Variants in CCDC25 observed in about 807,000 individuals in gnomAD.
CCDC25 encodes coiled-coil domain containing 25, also known as coiled-coil domain-containing protein 25.
A neutral mutation model predicts 35.3 loss-of-function variants in CCDC25; 16 were observed. That is an observed-to-expected ratio of 0.45 (90% confidence interval 0.31 to 0.69). The LOEUF is 0.69. Among genes scored for constraint, CCDC25 ranks in the 30% least tolerant of loss-of-function variants. CCDC25 has a pLI of 0.06. For missense variants in CCDC25, 179 were observed against 250.7 expected (o/e 0.71, Z 1.93); for synonymous variants, 79 against 80.3 (o/e 0.98, Z 0.09).
At chr8:27,764,512 C>G in intron 2 of CCDC25, 1 of 362,060 alleles carries the variant, frequency 2.8e-6, no homozygotes, top group African/African-American at 2.2e-5. Flanking sequence ...CTCCTGGGCT[C>G]AAGTGATCCT....
intron 3 of CCDC25, among the ~76,000 whole-genome samples, chr8:27,762,172 G>A (rs113054575): frequency 2.0e-5 from 3 of 152,116 alleles, no homozygotes; most frequent in African/African-American, 2.4e-5. Flanking sequence ...TTACTATGGC[G>A]TGGAGACAAA....
At chr8:27,740,935 G>C (rs1347746612) in intron 7 of CCDC25, among the ~76,000 whole-genome samples, 1 of 152,124 alleles carries the variant, frequency 6.6e-6, no homozygotes, top group Non-Finnish European at 1.5e-5. Context: ...GAGCTGTCAG[G>C]GCACCCTTCA....
intron 1 of CCDC25, chr8:27,772,025 T>TAAA: frequency 6.4e-6 from 1 of 156,446 alleles, no homozygotes; most frequent in South Asian, 1.8e-4. Context: ...GTCTTTTTAT[T>TAAA]GTTTTCTGTT....
In CCDC25 at chr8:27,772,589, C is replaced by T. The variant is rs1804670603; in HGVS notation, c.-49G>A. On this transcript the variant is annotated 5_prime_UTR_variant, in exon 1 of 9. Coordinates refer to ENST00000356537, the MANE Select transcript of CCDC25 (RefSeq NM_018246.3). ...TCCACCGCGGAGCAGCAGCGCTCAA[C>T]TCACGAAGCTCAGGATACCAGACTC... 1 of 1,536,740 alleles carries T rather than the reference C, an allele frequency of 6.5e-7. No homozygotes were observed. The highest frequency in any genetic ancestry group is 8.8e-7 in the Non-Finnish European group (1 of 1,136,526).
chr8:27,763,623 T>TG (rs1459301262), intron 2 of CCDC25, among the ~76,000 whole-genome samples: 1 of 151,874 alleles, frequency 6.6e-6, no homozygotes. Context: ...GAGGCTGAGG[T>TG]GGGAGAATTG....
intron 3 of CCDC25, among the ~76,000 whole-genome samples, chr8:27,761,210 C>A: frequency 6.6e-6 from 1 of 152,156 alleles, no homozygotes; most frequent in East Asian, 1.9e-4. Context: ...AGTGAAGGGT[C>A]TGTGTCCACA....
chr8:27,748,702 G>T, intron 5 of CCDC25, 104 bp from the exon 6 acceptor site: 1 of 797,978 alleles, frequency 1.3e-6, no homozygotes, highest in Non-Finnish European at 2.1e-6. Context: ...AAACGGCTTA[G>T]AACGAACAGG....
intron 3 of CCDC25, among the ~76,000 whole-genome samples, chr8:27,761,737 T>G (rs1011233404): frequency 1.3e-5 from 2 of 152,142 alleles, no homozygotes; most frequent in African/African-American, 4.8e-5. Context: ...CATGTATTCA[T>G]AAAAGGCCCC....
intron 7 of CCDC25, among the ~76,000 whole-genome samples, chr8:27,741,652 T>A (rs887939610): frequency 6.6e-6 from 1 of 152,152 alleles, no homozygotes; most frequent in Non-Finnish European, 1.5e-5. Flanking sequence ...CACTCCAACA[T>A]GGGCGACAGA....
chr8:27,759,015 T>A (rs1585366223), intron 3 of CCDC25, among the ~76,000 whole-genome samples: 1 of 152,198 alleles, frequency 6.6e-6, no homozygotes, highest in Non-Finnish European at 1.5e-5. Flanking sequence ...ACAAACTATC[T>A]TGAGCGAGTT....
chr8:27,767,508 A>T (rs1804440310), intron 1 of CCDC25, among the ~76,000 whole-genome samples: 1 of 152,226 alleles, frequency 6.6e-6, no homozygotes, highest in African/African-American at 2.4e-5. Context: ...GGCCATAACA[A>T]ACCTAAAGTG....
chr8:27,755,545 T>C (rs1164464455), intron 4 of CCDC25, among the ~76,000 whole-genome samples: 1 of 152,202 alleles, frequency 6.6e-6, no homozygotes, highest in African/African-American at 2.4e-5. Flanking sequence ...CTCCACTTCC[T>C]TGAGTGTGGG....
Position 27,748,264 on chromosome 8 carries a change from C to T in CCDC25, c.364G>A (p.Val122Met). The T allele has an allele frequency of 1.9e-6, 3 of 1,613,610 alleles. No homozygotes were observed. The highest frequency in any genetic ancestry group is 1.7e-6 in the Non-Finnish European group (2 of 1,179,830). ...AGGATCTCATTTACTTTCTTCTCCA[C>T]TGTCACAATTTTTACCTTTAAGGGA... is the stretch of plus-strand genomic sequence containing the variant. ...HRQKDVKIVT[V>M]EKKVNEILNR... is the part of the protein sequence containing the mutation. Residue 122 changes from valine (V) to methionine (M), a missense_variant, in exon 7 of 9, where the codon GTG (valine) becomes ATG (methionine). Physicochemically the swap from Val to Met is conservative, Grantham distance 21. Transcript: ENST00000356537.
In CCDC25 at chr8:27,772,609, A is replaced by C. The variant is rs1003964176; in HGVS notation, c.-69T>G. On this transcript the variant is annotated 5_prime_UTR_variant, in exon 1 of 9. Transcript: ENST00000356537. The stretch of plus-strand genomic sequence containing the variant: ...CTCAACTCACGAAGCTCAGGATACC[A>C]GACTCGCGGCGGCCGCCTGGCCCCC... 1.3e-6 allele frequency: 2 copies of C among 1,495,576 alleles called. No homozygotes were observed. Among genetic ancestry groups the C allele is most frequent in the African/African-American group, 1.4e-5 (1 of 71,900 alleles). The allele number at this position is 1,495,576 out of a possible 1,614,324, so 92.6% of individuals were successfully genotyped here.
intron 1 of CCDC25, among the ~76,000 whole-genome samples, chr8:27,765,853 C>G (rs2128947149): frequency 6.6e-6 from 1 of 152,314 alleles, no homozygotes; most frequent in East Asian, 1.9e-4. Flanking sequence ...TATGCCCCAG[C>G]TCCACCTCAG....
chr8:27,752,300 G>T (rs4732743), intron 5 of CCDC25, among the ~76,000 whole-genome samples: 2 of 152,072 alleles, frequency 1.3e-5, no homozygotes, highest in South Asian at 2.1e-4. Context: ...TAGACAGGAC[G>T]GTCAAAATGA....
At chr8:27,741,510 C>T (rs1402156072) in intron 7 of CCDC25, among the ~76,000 whole-genome samples, 1 of 152,178 alleles carries the variant, frequency 6.6e-6, no homozygotes, top group Non-Finnish European at 1.5e-5. Flanking sequence ...GAAACCCCAT[C>T]TCTACTAAAA....
At chr8:27,740,048 T>G (rs532186264) in intron 8 of CCDC25, among the ~76,000 whole-genome samples, 162 of 152,330 alleles carry the variant, frequency 1.1e-3, no homozygotes, top group Admixed American at 2.0e-3. Flanking sequence ...TCACATAAGA[T>G]CTTAGGGTAA....
chr8:27,770,647 CAG>C (rs2128948883), intron 1 of CCDC25, among the ~76,000 whole-genome samples: 1 of 150,898 alleles, frequency 6.6e-6, no homozygotes, highest in South Asian at 2.1e-4. Context: ...GCTGAGGCAG[CAG>C]AATCGCTTGA....
Sources: allele counts gnomAD v4.1 joint callset (sites outside exome capture counted in the v4.1 genomes callset), GRCh38; gene constraint gnomAD v4.1.1; transcripts MANE v1.5; gene names NCBI Gene and HGNC (gene_info 2026-07-23, HGNC 2026-07-21).